AKAP13: variants seen among roughly 807,000 people sequenced by gnomAD.
AKAP13 encodes the protein A-kinase anchor protein 13.
A neutral mutation model predicts 264.5 loss-of-function variants in AKAP13; 80 were observed. The observed-to-expected ratio is 0.30, with a 90% CI of 0.25 to 0.36. AKAP13 has a LOEUF of 0.36. Among genes scored for constraint, AKAP13 ranks in the 10% least tolerant of loss-of-function variants. The pLI is 1.00. For missense variants in AKAP13, 3,712 were observed against 3,435.2 expected, an observed-to-expected ratio of 1.08 and a Z score of -2.01; for synonymous variants, 1,380 against 1,250.2, an observed-to-expected ratio of 1.10 and a Z score of -2.19.
intron 5 of AKAP13, among the ~76,000 whole-genome samples, chr15:85,544,529 A>G (rs2077670880): frequency 6.6e-6 from 1 of 152,220 alleles, no homozygotes; most frequent in Admixed American, 6.5e-5. Context: ...GTGCAGTAGG[A>G]AATCCTGTCT....
intron 33 of AKAP13, among the ~76,000 whole-genome samples, chr15:85,736,799 C>T (rs1204514641): frequency 6.6e-6 from 1 of 151,954 alleles, no homozygotes; most frequent in Non-Finnish European, 1.5e-5. Context: ...GCAGCCTTTT[C>T]TCTATCACAA....
At chr15:85,636,822 C>T (rs1170233838) in intron 8 of AKAP13, among the ~76,000 whole-genome samples, 1 of 152,110 alleles carries the variant, frequency 6.6e-6, no homozygotes, top group Admixed American at 6.5e-5. Context: ...ACCATGTTGG[C>T]CAGGCTGATC....
At chr15:85,568,255 G>A (rs1248436569) in intron 5 of AKAP13, among the ~76,000 whole-genome samples, 2 of 151,364 alleles carry the variant, frequency 1.3e-5, no homozygotes, top group East Asian at 1.9e-4. Flanking sequence ...AGCTGAGATT[G>A]CACCAGCACA....
chr15:85,504,515 A>C lies in AKAP13; in HGVS notation c.34-16913A>C, dbSNP rs62022159. Among the ~76,000 whole-genome samples, 186 of 41,204 alleles carry C rather than the reference A, an allele frequency of 4.5e-3. 2 individuals carry two copies. The highest frequency in any genetic ancestry group is 0.016 in the Middle Eastern group (1 of 64). 27.0% of individuals were successfully genotyped at this position (41,204 alleles called of 152,430 possible). The stretch of plus-strand genomic sequence containing the variant: ...GACCCTGTCTTTACAAAAAAAAAAA[A>C]AAAAAAAAAAAAAAAAAAAAGAAAA... On this transcript the variant is annotated intron_variant, in intron 2 of 36. Transcript: ENST00000394518.
intron 13 of AKAP13, among the ~76,000 whole-genome samples, chr15:85,665,700 C>T: frequency 6.6e-6 from 1 of 152,082 alleles, no homozygotes; most frequent in East Asian, 1.9e-4. Context: ...CACAACAGGC[C>T]CCGGTGTGTG....
intron 16 of AKAP13, among the ~76,000 whole-genome samples, chr15:85,687,308 C>T (rs1214858779): frequency 2.6e-5 from 4 of 152,136 alleles, no homozygotes; most frequent in African/African-American, 4.8e-5. Context: ...TACTATACAG[C>T]GTAATTTTTT....
At chr15:85,643,689 CT>C (rs1201599827) in intron 9 of AKAP13, among the ~76,000 whole-genome samples, 1 of 152,064 alleles carries the variant, frequency 6.6e-6, no homozygotes, top group Non-Finnish European at 1.5e-5. Flanking sequence ...GCCACCCAAC[CT>C]ATTGCTAAGA....
At chr15:85,598,105 T>C (rs1289613054) in intron 8 of AKAP13, among the ~76,000 whole-genome samples, 2 of 152,208 alleles carry the variant, frequency 1.3e-5, no homozygotes, top group Non-Finnish European at 2.9e-5. Flanking sequence ...TCATTCTTCC[T>C]CCTTGTTTTG....
At chr15:85,738,699 G>A (rs1597232901) in intron 33 of AKAP13, among the ~76,000 whole-genome samples, 1 of 151,128 alleles carries the variant, frequency 6.6e-6, no homozygotes, top group Non-Finnish European at 1.5e-5. Flanking sequence ...TTAGCCGGGC[G>A]CGGTGGCGGG....
chr15:85,743,428 A>T (rs1323116568), intron 35 of AKAP13, 64 bp from the exon 36 acceptor site: 6 of 1,536,322 alleles, frequency 3.9e-6, no homozygotes, highest in Non-Finnish European at 4.4e-6. Flanking sequence ...GCCAGGATTT[A>T]TTGAGTTGGC....
At chr15:85,722,950 C>T (rs1242469454) in intron 25 of AKAP13, 122 bp from the exon 26 acceptor site, 1 of 1,320,598 alleles carries the variant, frequency 7.6e-7, no homozygotes, top group African/African-American at 1.5e-5. Context: ...GACGTGTTGG[C>T]TTCCCTCTGA....
At position 85,410,912 on chromosome 15, in the gene AKAP13, C is replaced by T. The variant is rs138466809; in HGVS notation, c.-12+30114C>T. Among the ~76,000 whole-genome samples, 96 of 151,804 alleles carry T rather than the reference C, an allele frequency of 6.3e-4. 2 individuals are homozygous for T. Among genetic ancestry groups the T allele is most frequent in the African/African-American group, 2.1e-3 (86 of 41,162 alleles). ...GTGTGTTTTTAAGAAAATGTTCTGT[C>T]CCCTTTAGTTCCTTGTAGTAGTAAT... On this transcript the variant is annotated intron_variant, in intron 1 of 36. Transcript: ENST00000394518.
At chr15:85,710,296 T>C (rs1248161586) in intron 18 of AKAP13, 1 of 276,152 alleles carries the variant, frequency 3.6e-6, no homozygotes, top group Non-Finnish European at 6.9e-6. Flanking sequence ...ATAGATGGCT[T>C]TACCAAGGAG....
At chr15:85,698,225 T>C (rs564487331) in intron 17 of AKAP13, among the ~76,000 whole-genome samples, 1 of 151,994 alleles carries the variant, frequency 6.6e-6, no homozygotes, top group East Asian at 1.9e-4. Context: ...CCCAGCACTT[T>C]AGGAGGCTGA....
intron 8 of AKAP13, among the ~76,000 whole-genome samples, chr15:85,599,708 T>A (rs2079969424): frequency 6.6e-6 from 1 of 152,148 alleles, no homozygotes; most frequent in Non-Finnish European, 1.5e-5. Context: ...GAAGAGGGGT[T>A]AAATAAAAAC....
At chr15:85,726,929 C>A in intron 27 of AKAP13, 137 bp from the exon 28 acceptor site, 1 of 885,180 alleles carries the variant, frequency 1.1e-6, no homozygotes, top group Non-Finnish European at 1.7e-6. Flanking sequence ...AGATACTTCT[C>A]TTTATCCTAA....
intron 4 of AKAP13, among the ~76,000 whole-genome samples, chr15:85,537,353 A>G (rs556208619): frequency 3.3e-5 from 5 of 152,388 alleles, no homozygotes; most frequent in East Asian, 1.9e-4. Flanking sequence ...ACCTTGTTAC[A>G]TAACAGGACT....
At chr15:85,559,354 AT>A (rs1256048048) in intron 5 of AKAP13, among the ~76,000 whole-genome samples, 7 of 151,938 alleles carry the variant, frequency 4.6e-5, no homozygotes, top group South Asian at 2.1e-4. Flanking sequence ...GTGGTCCCCA[AT>A]TTTTTTTGGC....
intron 26 of AKAP13, among the ~76,000 whole-genome samples, chr15:85,725,099 A>G (rs184514077): frequency 1.3e-5 from 2 of 152,270 alleles, no homozygotes; most frequent in East Asian, 3.9e-4. Context: ...TTACATAGCA[A>G]TTTATTTATT....
Sources: allele counts gnomAD v4.1 joint callset (sites outside exome capture counted in the v4.1 genomes callset), GRCh38; gene constraint gnomAD v4.1.1; transcripts MANE v1.5; gene names NCBI Gene and HGNC (gene_info 2026-07-23, HGNC 2026-07-21).